Variants in RBM12 observed in about 807,000 individuals in gnomAD.
The protein encoded by RBM12 is RNA-binding protein 12.
In RBM12, 24 loss-of-function variants were observed where a neutral mutation model predicts 37.2. The ratio of observed to expected loss-of-function variants is 0.65; its 90% CI spans 0.47 to 0.91. The LOEUF (loss-of-function observed/expected upper bound fraction) is 0.91, where lower values mean the gene tolerates loss of function less well. Among genes scored for constraint, RBM12 ranks in the 40% least tolerant of loss-of-function variants. RBM12 has a pLI of 0.00. For synonymous variants in RBM12, 420 were observed against 425.2 expected (o/e 0.99, Z 0.15); for missense variants, 1,061 against 1,183.2 (o/e 0.90, Z 1.52).
chr20:35,655,407 A>G (rs2033837235), intron 2 of RBM12, 63 bp from the exon 3 acceptor site: 2 of 1,369,978 alleles, frequency 1.5e-6, no homozygotes, highest in Non-Finnish European at 2.0e-6. Context: ...GTTTTTAGCT[A>G]CAAGAATGAC....
rs140579719 is a variant in RBM12, at chr20:35,653,349, G to A, written c.1974C>T (p.Pro658=). ...GTCCTGCACTGGGCAGTCCCACACC[G>A]GGCAGTCCCGCATTGGGCATTCCTG... ...AVPGMPNAGL[P]GVGLPSAGLP... Residue 658 remains proline (P), a synonymous_variant, in exon 3 of 3, where the codon CCC becomes CCT. Coordinates refer to ENST00000374114, the MANE Select transcript of RBM12 (RefSeq NM_006047.6). 3.8e-5 allele frequency: 62 copies of A among 1,614,012 alleles called. 1 individual carries two copies. The highest frequency in any genetic ancestry group is 1.4e-4 in the South Asian group (13 of 91,072).
At position 35,656,384 on chromosome 20, in the gene RBM12, T is replaced by C. The variant is rs73277203; in HGVS notation, c.-22-1040A>G. On this transcript the variant is annotated intron_variant, in intron 2 of 2. Coordinates refer to ENST00000374114, the MANE Select transcript of RBM12 (RefSeq NM_006047.6). ...AATGTTCCCCTCAAATTTCAGTATT[T>C]CAGTTCCAAAGGCTTCTAAGAGCAA... 5.8e-3 allele frequency among the ~76,000 whole-genome samples: 887 copies of C among 152,290 alleles called. 8 individuals carry two copies. Among genetic ancestry groups the C allele is most frequent in the African/African-American group, 0.02 (834 of 41,546 alleles).
chr20:35,663,461 CCCTT>C (rs1219906595), intron 1 of RBM12, among the ~76,000 whole-genome samples: 10 of 152,210 alleles, frequency 6.6e-5, no homozygotes, highest in Non-Finnish European at 2.9e-5. Flanking sequence ...CCTAGCCTCT[CCCTT>C]CAACAAACCT....
Position 35,653,374 on chromosome 20 carries a change from G to A in RBM12, c.1949C>T (p.Pro650Leu). ...GGGCAGTCCCGCATTGGGCATTCCT[G>A]GAACTGCAGGATTACCTGGCACAGG... Reference protein sequence around the residue: ...KMPVPGNPAVPGMPNAGLPGV... With the variant: ...KMPVPGNPAVLGMPNAGLPGV... Residue 650 changes from proline (P) to leucine (L), a missense_variant, in exon 3 of 3, where the codon CCA (proline) becomes CTA (leucine). Physicochemically the swap from Pro to Leu is moderately conservative, Grantham distance 98. Around this residue, in one of 3 missense-constraint regions of RBM12, gnomAD observed 517 missense variants for 534.0 expected, o/e 0.97. Coordinates refer to ENST00000374114, the MANE Select transcript of RBM12 (RefSeq NM_006047.6). 1 of 1,614,076 alleles carries A rather than the reference G, an allele frequency of 6.2e-7. No individual in the cohort carries two copies. Among genetic ancestry groups the A allele is most frequent in the Admixed American group, 1.7e-5 (1 of 60,020 alleles).
chr20:35,660,432 G>A (rs2034170778), intron 1 of RBM12, among the ~76,000 whole-genome samples: 1 of 152,104 alleles, frequency 6.6e-6, no homozygotes, highest in Non-Finnish European at 1.5e-5. Flanking sequence ...TACCCAGGCT[G>A]GTCTCTTAAC....
In RBM12 at chr20:35,650,217, T is replaced by G. The variant is rs1433382488; in HGVS notation, c.*2307A>C. On this transcript the variant is annotated 3_prime_UTR_variant, in exon 3 of 3. Coordinates refer to ENST00000374114, the MANE Select transcript of RBM12 (RefSeq NM_006047.6). ...GTGATTCATATAAAACATAGTTCTC[T>G]CCAATTTCTACACAAACCGCTCTTT... 2.0e-5 allele frequency: 3 copies of G among 152,548 alleles called. No homozygotes were observed. The highest frequency in any genetic ancestry group is 4.4e-5 in the Non-Finnish European group (3 of 68,006). The allele number at this position is 152,548 out of a possible 1,614,324, so 9.4% of individuals were successfully genotyped here.
At chr20:35,655,892 T>C (rs1268727572) in intron 2 of RBM12, among the ~76,000 whole-genome samples, 1 of 152,216 alleles carries the variant, frequency 6.6e-6, no homozygotes, top group Non-Finnish European at 1.5e-5. Flanking sequence ...TACTTAAGAC[T>C]AAAAGTAGAT....
chr20:35,658,043 T>C (rs1018841839), intron 2 of RBM12, among the ~76,000 whole-genome samples: 1 of 151,754 alleles, frequency 6.6e-6, no homozygotes, highest in Non-Finnish European at 1.5e-5. Context: ...CGAAACTCTG[T>C]CTCAAAAAGA....
At chr20:35,664,003 T>C (rs2034389290) in intron 1 of RBM12, among the ~76,000 whole-genome samples, 2 of 152,176 alleles carry the variant, frequency 1.3e-5, no homozygotes, top group African/African-American at 4.8e-5. Flanking sequence ...CAGCAGCCCC[T>C]TCCCTACTGG....
Position 35,653,864 on chromosome 20 carries a change from C to G in RBM12, c.1459G>C (p.Ala487Pro). The G allele has an allele frequency of 6.2e-7, 1 of 1,614,076 alleles. No homozygotes were observed. Among genetic ancestry groups the G allele is most frequent in the Non-Finnish European group, 8.5e-7 (1 of 1,180,032 alleles). The change falls in exon 3 of 3, where the codon GCT becomes CCT. Residue 487 changes from alanine to proline, a missense_variant. Transcript: ENST00000374114. ...ATGTACTGTTTATGACGACACAGAG[C>G]AGCCTTATAGTCAGCCTCATTTCTG... The part of the protein sequence containing the change: ...EFRNEADYKA[A>P]LCRHKQYMGN...
At chr20:35,657,243 A>C (rs1339022233) in intron 2 of RBM12, among the ~76,000 whole-genome samples, 1 of 152,244 alleles carries the variant, frequency 6.6e-6, no homozygotes, top group Non-Finnish European at 1.5e-5. Context: ...AACGCTAAAA[A>C]ACATCACACC....
In RBM12 at chr20:35,650,391, TAA is replaced by T. The variant is rs2033418551; in HGVS notation, c.*2131_*2132del. On this transcript the variant is annotated 3_prime_UTR_variant, in exon 3 of 3. Coordinates refer to ENST00000374114, the MANE Select transcript of RBM12 (RefSeq NM_006047.6). ...AACCAAAATAAATTGTGAAAAAAGA[TAA>T]AAGACTTTCATCTTCAAACAACCCA... 3 of 152,530 alleles carry T rather than the reference TAA, an allele frequency of 2.0e-5. No homozygotes were observed. The highest frequency in any genetic ancestry group is 4.4e-5 in the Non-Finnish European group (3 of 67,990). The allele number at this position is 152,530 out of a possible 1,614,324, so 9.4% of individuals were successfully genotyped here. A position where few individuals can be genotyped will look rare whatever the true frequency, so the allele number is the denominator to read the frequency against.
In RBM12 at chr20:35,651,362, C is replaced by T. The variant is rs1271109919; in HGVS notation, c.*1162G>A. 2 of 152,186 alleles carry T rather than the reference C, an allele frequency of 1.3e-5. No homozygotes were observed. The highest frequency in any genetic ancestry group is 6.5e-5 in the Admixed American group (1 of 15,278). The allele number at this position is 152,186 out of a possible 1,614,324, so 9.4% of individuals were successfully genotyped here. ...TCTCAATTTTCTCCTCTGGCGGCTG[C>T]ACTTGTACTCTGTATGAAGACTTTT... On this transcript the variant is annotated 3_prime_UTR_variant, in exon 3 of 3. Coordinates refer to ENST00000374114, the MANE Select transcript of RBM12 (RefSeq NM_006047.6).
chr20:35,656,703 T>G (rs2033920689), intron 2 of RBM12, among the ~76,000 whole-genome samples: 1 of 152,104 alleles, frequency 6.6e-6, no homozygotes. Flanking sequence ...CCTGGCTAAG[T>G]GTTTGTATTT....
At position 35,653,653 on chromosome 20, in the gene RBM12, T is replaced by C; in HGVS notation, c.1670A>G (p.Lys557Arg). 1 of 1,614,238 alleles carries C rather than the reference T, an allele frequency of 6.2e-7. No homozygotes were observed. Among genetic ancestry groups the C allele is most frequent in the South Asian group, 1.1e-5 (1 of 91,092 alleles). ...TTCTAGGAACTGAAGAACATCCATC[T>C]TTGTAATGCTGAATGGAATATTTGT... is the stretch of plus-strand genomic sequence containing the variant. Reference protein sequence around the residue: ...HITNIPFSITKMDVLQFLEGI... With the variant: ...HITNIPFSITRMDVLQFLEGI... The change falls in exon 3 of 3, where the codon AAG becomes AGG. Residue 557 changes from lysine (K) to arginine (R), a missense_variant. This residue lies in a region of RBM12 where 517 missense variants were observed against 534.0 expected (regional missense o/e 0.97). Transcript: ENST00000374114.
intron 1 of RBM12, among the ~76,000 whole-genome samples, chr20:35,661,870 A>G (rs1166129263): frequency 6.6e-6 from 1 of 152,236 alleles, no homozygotes; most frequent in Non-Finnish European, 1.5e-5. Flanking sequence ...GAACCAGGGT[A>G]CAGCAGAGCT....
chr20:35,664,398 G>A (rs1042786129), intron 1 of RBM12: 2 of 152,270 alleles, frequency 1.3e-5, no homozygotes, highest in Non-Finnish European at 2.9e-5. Context: ...CTGCTTCACT[G>A]GGGGAGACAA....
In RBM12 at chr20:35,654,096, G is replaced by C; in HGVS notation, c.1227C>G (p.Pro409=). 6.2e-7 allele frequency: 1 copy of C among 1,614,206 alleles called. No individual in the cohort carries two copies. The change falls in exon 3 of 3, where the codon CCC becomes CCG. Residue 409 remains proline (P), a synonymous_variant. Transcript: ENST00000374114. The part of the protein sequence containing the change: ...GQTHPPPQTL[P]RSKSPSGQKR... ...TCTGCCCACTGGGCGATTTTGACCT[G>C]GGAAGTGTCTGAGGAGGGGGATGAG...
At chr20:35,662,101 A>G (rs1036503415) in intron 1 of RBM12, among the ~76,000 whole-genome samples, 2 of 152,164 alleles carry the variant, frequency 1.3e-5, no homozygotes, top group African/African-American at 4.8e-5. Flanking sequence ...TTATTCTGAC[A>G]CTGATGGAGA....
Sources: gnomAD v4.1 joint callset for allele counts (sites outside exome capture counted in the v4.1 genomes callset) on GRCh38, gnomAD v4.1.1 for gene constraint, gnomAD v4.1.1 regional missense constraint, MANE v1.5 for transcripts, NCBI Gene and HGNC (gene_info 2026-07-23, HGNC 2026-07-21) for gene names.